LAMA2: variants seen among roughly 807,000 people sequenced by gnomAD.
LAMA2 encodes laminin subunit alpha-2.
LAMA2 carries 269 observed loss-of-function variants against 364.8 expected under a neutral mutation model. That is an observed-to-expected ratio of 0.74 (90% CI 0.67 to 0.82). LAMA2 has a LOEUF of 0.82. Among genes scored for constraint, LAMA2 ranks in the 40% least tolerant of loss-of-function variants. LAMA2 has a pLI of 0.00. For synonymous variants in LAMA2, 1,379 were observed against 1,370.6 expected (o/e 1.01, Z -0.14); for missense variants, 3,807 against 3,873.2 (o/e 0.98, Z 0.45).
chr6:129,080,629 G>A (rs1467744842), intron 3 of LAMA2, among the ~76,000 whole-genome samples: 2 of 152,112 alleles, frequency 1.3e-5, no homozygotes, highest in African/African-American at 2.4e-5. Context: ...GCAGCCAACA[G>A]ACACATGAAA....
At chr6:129,171,447 T>G (rs1780145864) in intron 9 of LAMA2, among the ~76,000 whole-genome samples, 1 of 151,774 alleles carries the variant, frequency 6.6e-6, no homozygotes, top group African/African-American at 2.4e-5. Flanking sequence ...TTAGTTTGGC[T>G]GGATATGAAA....
At chr6:129,241,451 A>T (rs2115157338) in intron 12 of LAMA2, among the ~76,000 whole-genome samples, 1 of 152,330 alleles carries the variant, frequency 6.6e-6, no homozygotes, top group African/African-American at 2.4e-5. Context: ...ACATTTATTG[A>T]ATACATGTTA....
intron 12 of LAMA2, among the ~76,000 whole-genome samples, chr6:129,247,463 A>C (rs1428706636): frequency 1.3e-5 from 2 of 152,186 alleles, no homozygotes; most frequent in Non-Finnish European, 2.9e-5. Flanking sequence ...AAAATAAAGA[A>C]AGACAGAATT....
intron 1 of LAMA2, among the ~76,000 whole-genome samples, chr6:128,983,375 A>AT (rs1275143481): frequency 2.6e-5 from 4 of 151,960 alleles, no homozygotes; most frequent in Non-Finnish European, 5.9e-5. Context: ...GATGGTGAGC[A>AT]TTTTTTCATG....
At chr6:129,172,434 G>A (rs542142689) in intron 9 of LAMA2, among the ~76,000 whole-genome samples, 22 of 152,288 alleles carry the variant, frequency 1.4e-4, no homozygotes, top group South Asian at 2.1e-4. Flanking sequence ...ATACCCTGCC[G>A]TGTGAGGTGT....
At chr6:129,133,366 G>A (rs1362146832) in intron 4 of LAMA2, among the ~76,000 whole-genome samples, 2 of 151,998 alleles carry the variant, frequency 1.3e-5, no homozygotes, top group Non-Finnish European at 2.9e-5. Context: ...AAAATTAAAC[G>A]GGGCAAAAGT....
At chr6:129,287,136 G>A (rs1289033261) in intron 18 of LAMA2, among the ~76,000 whole-genome samples, 1 of 144,878 alleles carries the variant, frequency 6.9e-6, no homozygotes, top group African/African-American at 2.6e-5. Flanking sequence ...AGAAAGAAAG[G>A]AAGAAAGGGA....
At chr6:129,494,273 T>A (rs1166230038) in intron 58 of LAMA2, among the ~76,000 whole-genome samples, 19 of 152,252 alleles carry the variant, frequency 1.2e-4, no homozygotes, top group Admixed American at 1.1e-3. Context: ...TGGAATTGGT[T>A]GAGCAATGTG....
rs560289158 is a variant in LAMA2, at chr6:129,102,823, A to G, written c.639+4408A>G. ...TGGAAATCTGGATCATCTTAATTCA[A>G]TTTTAGGGATTCAAATTTCTGGGAC... On this transcript the variant is annotated intron_variant, in intron 4 of 64. Transcript: ENST00000421865. Among the ~76,000 whole-genome samples the G allele has an allele frequency of 4.6e-5, 7 of 152,342 alleles. No homozygotes were observed. In the East Asian group the frequency reaches 1.2e-3, roughly 25 times the overall value.
intron 40 of LAMA2, among the ~76,000 whole-genome samples, chr6:129,412,646 G>C (rs1780593046): frequency 6.6e-6 from 1 of 152,196 alleles, no homozygotes; most frequent in Admixed American, 6.5e-5. Flanking sequence ...ATCACCAGCT[G>C]CCTCAAGAAA....
At chr6:129,077,546 C>T (rs1305318300) in intron 3 of LAMA2, among the ~76,000 whole-genome samples, 1 of 152,048 alleles carries the variant, frequency 6.6e-6, no homozygotes, top group Non-Finnish European at 1.5e-5. Context: ...AGTTGCCCTG[C>T]TACCACTGTA....
intron 12 of LAMA2, among the ~76,000 whole-genome samples, chr6:129,228,033 G>A (rs1371232339): frequency 2.0e-5 from 3 of 152,102 alleles, no homozygotes; most frequent in African/African-American, 7.2e-5. Flanking sequence ...GCAATGGCGG[G>A]CGCCCCTCTC....
intron 1 of LAMA2, among the ~76,000 whole-genome samples, chr6:129,028,340 CT>C (rs11386466): frequency 6.6e-6 from 1 of 151,388 alleles, no homozygotes; most frequent in Admixed American, 6.6e-5. Context: ...GTCTTCAGTA[CT>C]TTTTTGGGTC....
chr6:128,911,015 C>A (rs185929906), intron 1 of LAMA2, among the ~76,000 whole-genome samples: 1 of 151,326 alleles, frequency 6.6e-6, no homozygotes, highest in African/African-American at 2.5e-5. Context: ...CAGCTGCGTA[C>A]TGGGAGAACC....
chr6:129,035,362 G>GT (rs1005698737), intron 1 of LAMA2, among the ~76,000 whole-genome samples: 1 of 134,844 alleles, frequency 7.4e-6, no homozygotes, highest in Non-Finnish European at 1.6e-5. Context: ...GGAGCTATTT[G>GT]TTTTTTTCTT....
intron 29 of LAMA2, among the ~76,000 whole-genome samples, chr6:129,338,817 G>A (rs1158901211): frequency 1.3e-5 from 2 of 152,132 alleles, no homozygotes; most frequent in African/African-American, 4.8e-5. Flanking sequence ...ACACTGTAGA[G>A]CTAAGGATTT....
intron 60 of LAMA2, 88 bp from the exon 61 acceptor site, chr6:129,505,112 G>A (rs1785948650): frequency 6.7e-6 from 8 of 1,191,832 alleles, no homozygotes; most frequent in Non-Finnish European, 1.0e-5. Flanking sequence ...ATTTTTCTTG[G>A]TAACATCGTT....
chr6:129,454,858 A>C (rs566373680), intron 47 of LAMA2, among the ~76,000 whole-genome samples: 1 of 152,236 alleles, frequency 6.6e-6, no homozygotes, highest in South Asian at 2.1e-4. Flanking sequence ...TGTCTTCAGC[A>C]CTTCCCTCCC....
rs1223081122 is a variant in LAMA2, at chr6:129,177,828, A to G, written c.1429A>G (p.Lys477Glu). 6.2e-7 allele frequency: 1 copy of G among 1,613,972 alleles called. No individual in the cohort carries two copies. The highest frequency in any genetic ancestry group is 1.1e-5 in the South Asian group (1 of 91,082). The change falls in exon 10 of 65, where the codon AAA becomes GAA. Residue 477 changes from lysine (K) to glutamate (E), a missense_variant. This residue lies in a region of LAMA2 where 3,333 missense variants were observed against 3,345.7 expected (regional missense o/e 1.00). Coordinates refer to ENST00000421865, the MANE Select transcript of LAMA2 (RefSeq NM_000426.4). ...KACNCSGLGS[K>E]NEDPCFGPCI... ...CTGTAACTGCAGTGGGTTAGGGAGC[A>G]AAAATGAGGATCCTTGTTTTGGCCC...
Sources: gnomAD v4.1 joint callset for allele counts (sites outside exome capture counted in the v4.1 genomes callset) on GRCh38, gnomAD v4.1.1 for gene constraint, gnomAD v4.1.1 regional missense constraint, MANE v1.5 for transcripts, NCBI Gene and HGNC (gene_info 2026-07-23, HGNC 2026-07-21) for gene names.